NOL8: variants seen among roughly 807,000 people sequenced by gnomAD.
NOL8 encodes nucleolar protein 8, also known as nucleolar protein Nop132.
NOL8 carries 93 observed loss-of-function variants against 116.1 expected under a neutral mutation model. The observed-to-expected ratio is 0.80, with a 90% confidence interval of 0.68 to 0.95. The LOEUF (loss-of-function observed/expected upper bound fraction) is 0.95, where lower values mean the gene tolerates loss of function less well. NOL8 is among the 40% of genes least tolerant of loss of function. NOL8 has a pLI of 0.00. For missense variants in NOL8, 1,291 were observed against 1,382.8 expected (o/e 0.93, Z 1.05); for synonymous variants, 419 against 469.0 (o/e 0.89, Z 1.38).
At chr9:92,312,998 ATT>A (rs1491456182) in intron 7 of NOL8, among the ~76,000 whole-genome samples, 4 of 148,368 alleles carry the variant, frequency 2.7e-5, no homozygotes, top group African/African-American at 1.0e-4. Context: ...AAAAAAAAGC[ATT>A]GTCTTAAAAC....
chr9:92,315,436 T>C lies in NOL8; in HGVS notation c.1189A>G (p.Ser397Gly), dbSNP rs773677910. 1.9e-6 allele frequency: 3 copies of C among 1,592,106 alleles called. No homozygotes were observed. The highest frequency in any genetic ancestry group is 2.6e-6 in the Non-Finnish European group (3 of 1,167,870). Residue 397 changes from serine to glycine, a missense_variant, in exon 7 of 17, where the codon AGT becomes GGT. Transcript: ENST00000442668. ...TTTTCCATTTGTGAAAATTCTGTAC[T>C]GTTTTTGACCTTAGCAACATTTTTT... ...MKKNVAKVKN[S>G]TEFSQMEKST...
Position 92,319,236 on chromosome 9 carries a change from T to G in NOL8, c.402A>C (p.Glu134Asp). Residue 134 changes from glutamate to aspartate, a missense_variant, in exon 5 of 17, where the codon GAA becomes GAC. By Grantham distance (45) the Glu-to-Asp change is conservative. Coordinates refer to ENST00000442668, the MANE Select transcript of NOL8 (RefSeq NM_017948.6). ...GGAGACTCACCTTATGCCCTGGCAC[T>G]TCTGTCCCTGGCACAGCTTTCATAT... ...DFHMKAVPGT[E>D]VPGHKNWVVS... is the part of the protein sequence containing the mutation. The G allele has an allele frequency of 1.3e-6, 2 of 1,573,814 alleles. No homozygotes were observed. The highest frequency in any genetic ancestry group is 1.7e-6 in the Non-Finnish European group (2 of 1,164,776).
At position 92,319,210 on chromosome 9, in the gene NOL8, A is replaced by G. The variant is rs1839696938; in HGVS notation, c.417+11T>C. Reference sequence around the variant, plus strand: ...ACCATGTAATTGGCTCAGGCTACAGAGGAGACTCACCTTATGCCCTGGCAC... The same window carrying G: ...ACCATGTAATTGGCTCAGGCTACAGGGGAGACTCACCTTATGCCCTGGCAC... On this transcript the variant is annotated intron_variant, in intron 5 of 16. Transcript: ENST00000442668. 2.6e-6 allele frequency: 4 copies of G among 1,537,106 alleles called. No homozygotes were observed. The highest frequency in any genetic ancestry group is 1.7e-6 in the Non-Finnish European group (2 of 1,150,746).
At chr9:92,309,723 G>C (rs1838597616) in intron 10 of NOL8, among the ~76,000 whole-genome samples, 3 of 152,082 alleles carry the variant, frequency 2.0e-5, no homozygotes, top group Admixed American at 1.3e-4. Context: ...ATTCAAACAG[G>C]GATAAATTCA....
At position 92,315,920 on chromosome 9, in the gene NOL8, C is replaced by A; in HGVS notation, c.705G>T (p.Met235Ile). 6.2e-7 allele frequency: 1 copy of A among 1,613,886 alleles called. No individual in the cohort carries two copies. The highest frequency in any genetic ancestry group is 1.1e-5 in the South Asian group (1 of 91,078). Residue 235 changes from methionine to isoleucine, a missense_variant, in exon 7 of 17, where the codon ATG becomes ATT. Transcript: ENST00000442668. The stretch of plus-strand genomic sequence containing the variant: ...CTATTACCCTCCTGGGCCTTGTACT[C>A]ATGGCCAGAGACCCAGTGGAACTCT... ...KDESSTGSLA[M>I]STRPRRVIER...
At chr9:92,308,812 G>A (rs1291190077) in intron 10 of NOL8, 1 of 152,230 alleles carries the variant, frequency 6.6e-6, no homozygotes, top group African/African-American at 2.4e-5. Context: ...GCACTTGGAG[G>A]ACAAGTTGTT....
At chr9:92,320,886 C>T (rs922117147) in intron 4 of NOL8, among the ~76,000 whole-genome samples, 3 of 152,196 alleles carry the variant, frequency 2.0e-5, no homozygotes, top group Non-Finnish European at 4.4e-5. Flanking sequence ...GGATTACAGG[C>T]GTGAGCCACC....
Position 92,316,050 on chromosome 9 carries a change from G to T in NOL8, c.575C>A (p.Thr192Asn). 1.2e-6 allele frequency: 2 copies of T among 1,613,920 alleles called. No homozygotes were observed. The highest frequency in any genetic ancestry group is 1.7e-6 in the Non-Finnish European group (2 of 1,179,874). ...FSNTIPISSL[T>N]WELEGGNDPM... is the part of the protein sequence containing the mutation. ...GTCATTCCCTCCTTCTAATTCCCAA[G>T]TCAGGCTGGATATAGGAATGGTGTT... The change falls in exon 7 of 17, where the codon ACT (threonine) becomes AAT (asparagine). Residue 192 changes from threonine to asparagine, a missense_variant. By Grantham distance (65) the Thr-to-Asn change is moderately conservative. Coordinates refer to ENST00000442668, the MANE Select transcript of NOL8 (RefSeq NM_017948.6).
Position 92,297,757 on chromosome 9 carries a change from G to T in NOL8, c.*79C>A. The T allele has an allele frequency of 9.5e-7, 1 of 1,050,968 alleles. No homozygotes were observed. The highest frequency in any genetic ancestry group is 1.4e-6 in the Non-Finnish European group (1 of 738,828). 65.1% of individuals were successfully genotyped at this position (1,050,968 alleles called of 1,614,324 possible). A position where few individuals can be genotyped will look rare whatever the true frequency, so the allele number is the denominator to read the frequency against. On this transcript the variant is annotated 3_prime_UTR_variant, in exon 17 of 17. Coordinates refer to ENST00000442668, the MANE Select transcript of NOL8 (RefSeq NM_017948.6). ...TCCTTCACTCTGAAATTTCTTCTTT[G>T]TCAGCTAAAACTGTTTTCTGGGTCA...
chr9:92,301,479 C>T (rs1564203375), intron 13 of NOL8, 72 bp downstream of exon 13: 4 of 1,177,680 alleles, frequency 3.4e-6, no homozygotes, highest in East Asian at 2.7e-5. Context: ...AAATCTGTTA[C>T]ACTTAATGCA....
intron 10 of NOL8, 33 bp downstream of exon 10, chr9:92,310,138 T>G (rs1370148082): frequency 3.4e-6 from 5 of 1,473,536 alleles, no homozygotes; most frequent in Non-Finnish European, 4.7e-6. Context: ...TCCCCAGATA[T>G]GACATCAGGA....
At chr9:92,323,247 T>C in intron 3 of NOL8, 194 bp downstream of exon 3, 1 of 1,474,732 alleles carries the variant, frequency 6.8e-7, no homozygotes, top group Non-Finnish European at 9.0e-7. Flanking sequence ...AGTAAAGTGC[T>C]ACCATGTCTG....
At chr9:92,302,811 C>T (rs187364316) in intron 12 of NOL8, among the ~76,000 whole-genome samples, 212 of 152,304 alleles carry the variant, frequency 1.4e-3, no homozygotes, top group African/African-American at 4.7e-3. Context: ...ACTAAGATCA[C>T]AGCAAAAGCT....
intron 12 of NOL8, 149 bp from the exon 13 acceptor site, chr9:92,301,971 A>C: frequency 1.5e-6 from 1 of 657,632 alleles, no homozygotes; most frequent in South Asian, 2.3e-5. Flanking sequence ...AGAGAAATAA[A>C]ATAAGTAAAA....
intron 11 of NOL8, among the ~76,000 whole-genome samples, 186 bp from the exon 12 acceptor site, chr9:92,306,016 C>CA (rs1380266266): frequency 2.6e-5 from 4 of 152,126 alleles, no homozygotes; most frequent in Non-Finnish European, 5.9e-5. Flanking sequence ...TTCTTGGAGA[C>CA]AGAGTCTCGC....
In NOL8 at chr9:92,305,903, A is replaced by T. The variant is rs529633475; in HGVS notation, c.2826-73T>A. ...TAATACAAAAAGTAAGTAGCAAATTATAATTCAGCACTAGGAAGATTCTAA... is the reference window on the plus strand; with the variant it reads ...TAATACAAAAAGTAAGTAGCAAATTTTAATTCAGCACTAGGAAGATTCTAA... On this transcript the variant is annotated intron_variant, in intron 11 of 16. Transcript: ENST00000442668. 37 of 967,036 alleles carry T rather than the reference A, an allele frequency of 3.8e-5. No homozygotes were observed. In the African/African-American group the frequency reaches 5.9e-4, roughly 15 times the overall value. The allele number at this position is 967,036 out of a possible 1,614,324, so 59.9% of individuals were successfully genotyped here. A position where few individuals can be genotyped will look rare whatever the true frequency, so the allele number is the denominator to read the frequency against.
At chr9:92,298,219 T>A in intron 16 of NOL8, 38 bp downstream of exon 16, 1 of 1,449,198 alleles carries the variant, frequency 6.9e-7, no homozygotes, top group African/African-American at 1.4e-5. Flanking sequence ...AGGTAACATG[T>A]CTATTTTAGG....
Position 92,315,498 on chromosome 9 carries a change from TACTC to T in NOL8, c.1123_1126del (p.Glu375MetfsTer12), listed in dbSNP as rs1461322989. 1.2e-6 allele frequency: 2 copies of T among 1,609,334 alleles called. No homozygotes were observed. Among genetic ancestry groups the T allele is most frequent in the South Asian group, 1.1e-5 (1 of 90,520 alleles). On this transcript the variant is annotated frameshift_variant, in exon 7 of 17. Transcript: ENST00000442668. LOFTEE classifies it high-confidence loss of function. The stretch of plus-strand genomic sequence containing the variant: ...AATTTCATCTGTATCTCCTGAGTCA[TACTC>T]ACGATCATTTCTCATAATATCATCA...
Position 92,298,893 on chromosome 9 carries a change from G to A in NOL8, c.3364C>T (p.Arg1122Ter), listed in dbSNP as rs1394832345. ...RFFFFSKNDE[R>*]LQGSDLFWRG... is the part of the protein sequence containing the mutation. ...AAAAAAATGGACTGACCTTGAAGTCGTTCATCATTCTTAGAGAAAAAGAAA... is the reference window on the plus strand; with the variant it reads ...AAAAAAATGGACTGACCTTGAAGTCATTCATCATTCTTAGAGAAAAAGAAA... The change falls in exon 15 of 17, where the codon CGA becomes TGA. Residue 1122 changes from arginine to a stop codon, truncating the protein, a stop_gained. Coordinates refer to ENST00000442668, the MANE Select transcript of NOL8 (RefSeq NM_017948.6). LOFTEE classifies it high-confidence loss of function. The A allele has an allele frequency of 8.5e-6, 13 of 1,526,148 alleles. No homozygotes were observed. The highest frequency in any genetic ancestry group is 1.4e-5 in the African/African-American group (1 of 72,162). 94.5% of individuals were successfully genotyped at this position (1,526,148 alleles called of 1,614,324 possible).
Sources: allele counts gnomAD v4.1 joint callset (sites outside exome capture counted in the v4.1 genomes callset), GRCh38; gene constraint gnomAD v4.1.1; transcripts MANE v1.5; gene names NCBI Gene and HGNC (gene_info 2026-07-23, HGNC 2026-07-21).